KLF7: variants seen among roughly 807,000 people sequenced by gnomAD.
The protein encoded by KLF7 is KLF transcription factor 7, also known as Krueppel-like factor 7.
KLF7 carries 2 observed loss-of-function variants against 27.3 expected under a neutral mutation model. That is an observed-to-expected ratio of 0.07 (90% CI 0.03 to 0.23). The LOEUF is 0.23. Ranked by LOEUF, KLF7 falls within the 10% of genes least tolerant of loss-of-function variation. KLF7 has a pLI of 1.00. For synonymous variants in KLF7, 165 were observed against 162.4 expected, an observed-to-expected ratio of 1.02 and a Z score of -0.12; for missense variants, 221 against 394.1, an observed-to-expected ratio of 0.56 and a Z score of 3.72.
intron 1 of KLF7, among the ~76,000 whole-genome samples, chr2:207,160,510 G>A (rs747548905): frequency 2.0e-5 from 3 of 152,202 alleles, no homozygotes; most frequent in African/African-American, 7.2e-5. Flanking sequence ...AAGATAAGGG[G>A]TATCCACCGA....
intron 1 of KLF7, among the ~76,000 whole-genome samples, chr2:207,156,816 G>A (rs767854543): frequency 3.9e-5 from 6 of 152,218 alleles, no homozygotes; most frequent in Non-Finnish European, 7.3e-5. Flanking sequence ...CCTCTGGTCC[G>A]TGTGGATTCC....
chr2:207,097,824 A>G (rs749012923), intron 2 of KLF7, among the ~76,000 whole-genome samples: 30 of 152,352 alleles, frequency 2.0e-4, no homozygotes, highest in Non-Finnish European at 4.3e-4. Context: ...TGTTTCTCAT[A>G]ACCCAAGGAA....
At chr2:207,152,964 T>G (rs1303219592) in intron 1 of KLF7, among the ~76,000 whole-genome samples, 1 of 152,144 alleles carries the variant, frequency 6.6e-6, no homozygotes, top group Non-Finnish European at 1.5e-5. Context: ...AATTGAAATA[T>G]GCATGCCGGC....
chr2:207,152,743 AAAGC>A (rs2078279955), intron 1 of KLF7, among the ~76,000 whole-genome samples: 1 of 152,240 alleles, frequency 6.6e-6, no homozygotes, highest in African/African-American at 2.4e-5. Flanking sequence ...GTGAGAGCAG[AAAGC>A]AAGCCAGTTT....
rs952273551 is a variant in KLF7 at position 207,136,393 on chromosome 2, C to G, written c.103-11989G>C. ...CCCAGTTCATCCCTCTCTCAGAGCC[C>G]TAGTAACTCCGTCCGCATCCCAGAA... On this transcript the variant is annotated intron_variant, in intron 1 of 3. Transcript: ENST00000309446. 3.3e-5 allele frequency among the ~76,000 whole-genome samples: 5 copies of G among 152,116 alleles called. No individual in the cohort carries two copies. In the South Asian group the frequency reaches 8.3e-4, roughly 25 times the overall value.
chr2:207,141,538 G>A (rs2077942003), intron 1 of KLF7, among the ~76,000 whole-genome samples: 2 of 152,168 alleles, frequency 1.3e-5, no homozygotes, highest in African/African-American at 4.8e-5. Flanking sequence ...CCATCTAAAA[G>A]GGGAAGTTGG....
intron 1 of KLF7, chr2:207,149,202 T>C (rs1311354001): frequency 7.9e-7 from 1 of 1,273,176 alleles, no homozygotes; most frequent in Non-Finnish European, 1.0e-6. Flanking sequence ...AATAATTTTC[T>C]GAGGAGAAAA....
At chr2:207,115,945 A>G (rs1030357326) in intron 2 of KLF7, among the ~76,000 whole-genome samples, 1 of 152,248 alleles carries the variant, frequency 6.6e-6, no homozygotes, top group Non-Finnish European at 1.5e-5. Flanking sequence ...GATAGAGGAA[A>G]GCTGCAGGGC....
intron 1 of KLF7, among the ~76,000 whole-genome samples, chr2:207,134,928 C>G (rs1236746143): frequency 6.6e-6 from 1 of 152,202 alleles, no homozygotes; most frequent in Non-Finnish European, 1.5e-5. Context: ...AAGGGCTGGG[C>G]ATGCACACTC....
chr2:207,134,167 T>TTTTG, intron 1 of KLF7: 1 of 1,483,648 alleles, frequency 6.7e-7, no homozygotes, highest in Non-Finnish European at 8.9e-7. Context: ...TTTTTTTTTT[T>TTTTG]TTTTTTTTAA....
At position 207,123,866 on chromosome 2, in the gene KLF7, T is replaced by C. The variant is rs2077404566; in HGVS notation, c.641A>G (p.Asn214Ser). ...GGLGAEACPE[N>S]KKRVHRCQFN... ...CTGACAGCGGTGAACCCTCTTCTTG[T>C]TTTCGGGACATGCTTCAGCCCCCAG... The change falls in exon 2 of 4, where the codon AAC (asparagine) becomes AGC (serine). Residue 214 changes from asparagine (N) to serine (S), a missense_variant. This residue lies in a region of KLF7 where 180 missense variants were observed against 227.9 expected (regional missense o/e 0.79). Coordinates refer to ENST00000309446, the MANE Select transcript of KLF7 (RefSeq NM_003709.4). 1.2e-6 allele frequency: 2 copies of C among 1,613,862 alleles called. No individual in the cohort carries two copies. Among genetic ancestry groups the C allele is most frequent in the Non-Finnish European group, 1.7e-6 (2 of 1,180,026 alleles).
Position 207,075,874 on chromosome 2 carries a change from A to C in KLF7, c.*5339T>G, listed in dbSNP as rs1473262829. The C allele has an allele frequency of 6.6e-6, 1 of 152,122 alleles. No individual in the cohort carries two copies. The highest frequency in any genetic ancestry group is 1.5e-5 in the Non-Finnish European group (1 of 68,030). 9.4% of individuals were successfully genotyped at this position (152,122 alleles called of 1,614,324 possible). A position where few individuals can be genotyped will look rare whatever the true frequency, so the allele number is the denominator to read the frequency against. On this transcript the variant is annotated 3_prime_UTR_variant, in exon 4 of 4. Transcript: ENST00000309446. ...ATGCATGCTGGGAAGAAAAAACAAA[A>C]AGGTTGAGAACCAGCCAATAAGCCC...
intron 1 of KLF7, among the ~76,000 whole-genome samples, chr2:207,135,609 A>G (rs1057495331): frequency 1.3e-5 from 2 of 152,200 alleles, no homozygotes; most frequent in African/African-American, 4.8e-5. Context: ...ATCAACTCCC[A>G]AACAATCAAA....
At chr2:207,081,288 T>A in intron 3 of KLF7, 24 bp from the exon 4 acceptor site, 1 of 1,600,210 alleles carries the variant, frequency 6.2e-7, no homozygotes, top group Non-Finnish European at 8.6e-7. Context: ...ACAACAAGGA[T>A]ATTAGAGAAC....
intron 1 of KLF7, among the ~76,000 whole-genome samples, chr2:207,158,980 C>T (rs2078464933): frequency 6.6e-6 from 1 of 152,136 alleles, no homozygotes; most frequent in Admixed American, 6.5e-5. Context: ...AGTGCAATGC[C>T]TCATCTGGCT....
Position 207,104,073 on chromosome 2 carries a change from ACTC to A in KLF7, c.734-15495_734-15493del, listed in dbSNP as rs1229974434. 2.0e-5 allele frequency among the ~76,000 whole-genome samples: 3 copies of A among 152,158 alleles called. No individual in the cohort carries two copies. In the East Asian group the frequency reaches 5.8e-4, roughly 29 times the overall value. On this transcript the variant is annotated intron_variant, in intron 2 of 3. Coordinates refer to ENST00000309446, the MANE Select transcript of KLF7 (RefSeq NM_003709.4). ...CAACCATCAAAGACGTCAAGCCCCA[ACTC>A]CTCAACTTAAATGTGGCATTGATTA...
At chr2:207,127,675 C>T (rs2106002298) in intron 1 of KLF7, among the ~76,000 whole-genome samples, 1 of 152,166 alleles carries the variant, frequency 6.6e-6, no homozygotes, top group South Asian at 2.1e-4. Flanking sequence ...AACCCCATCT[C>T]TACTAAAAAT....
At position 207,124,232 on chromosome 2, in the gene KLF7, C is replaced by G; in HGVS notation, c.275G>C (p.Ser92Thr). The G allele has an allele frequency of 6.2e-7, 1 of 1,614,088 alleles. No homozygotes were observed. The highest frequency in any genetic ancestry group is 8.5e-7 in the Non-Finnish European group (1 of 1,180,010). Residue 92 changes from serine (S) to threonine (T), a missense_variant, in exon 2 of 4, where the codon AGC becomes ACC. Around this residue, in one of 3 missense-constraint regions of KLF7, gnomAD observed 180 missense variants for 227.9 expected, o/e 0.79. Coordinates refer to ENST00000309446, the MANE Select transcript of KLF7 (RefSeq NM_003709.4). Reference sequence around the variant, plus strand: ...AGAGAGCAAGATGTCCACTGCCGAGCTCTTCTCACAGATGGCCGCTTCCAC... The same window carrying G: ...AGAGAGCAAGATGTCCACTGCCGAGGTCTTCTCACAGATGGCCGCTTCCAC... ...LPVEAAICEKSSAVDILLSRD... is the reference protein window; with the variant it reads ...LPVEAAICEKTSAVDILLSRD...
At chr2:207,132,131 T>C (rs2077653112) in intron 1 of KLF7, among the ~76,000 whole-genome samples, 2 of 152,174 alleles carry the variant, frequency 1.3e-5, no homozygotes, top group Admixed American at 6.5e-5. Context: ...GATAATCAAG[T>C]AGACAGTATG....
Sources: gnomAD v4.1 joint callset for allele counts (sites outside exome capture counted in the v4.1 genomes callset) on GRCh38, gnomAD v4.1.1 for gene constraint, gnomAD v4.1.1 regional missense constraint, MANE v1.5 for transcripts, NCBI Gene and HGNC (gene_info 2026-07-23, HGNC 2026-07-21) for gene names.